Variants in ZNF512 observed in about 807,000 individuals in gnomAD.
ZNF512 encodes the protein zinc finger protein 512.
Under a neutral mutation model 77.5 loss-of-function variants are expected in ZNF512, and 25 were observed. The observed-to-expected ratio is 0.32, with a 90% confidence interval of 0.23 to 0.45. The LOEUF is 0.45. Among genes scored for constraint, ZNF512 ranks in the 20% least tolerant of loss-of-function variants. The pLI, the probability that ZNF512 is intolerant of heterozygous loss-of-function variation, is 1.00. For missense variants in ZNF512, 483 were observed against 692.6 expected (o/e 0.70, Z 3.40); for synonymous variants, 246 against 239.9 (o/e 1.03, Z -0.24).
Position 27,598,213 on chromosome 2 carries a change from AGAT to A in ZNF512, c.239_241del (p.Met80del). On this transcript the variant is annotated inframe_deletion, in exon 3 of 14. Coordinates refer to ENST00000355467, the MANE Select transcript of ZNF512 (RefSeq NM_032434.4). ...TTCCGAAAATCTACCTACTGGATGA[AGAT>A]GAGAAGAATCAAGCCAGCTGCTACT... 6.2e-7 allele frequency: 1 copy of A among 1,614,022 alleles called. No homozygotes were observed. The highest frequency in any genetic ancestry group is 8.5e-7 in the Non-Finnish European group (1 of 1,179,974).
At chr2:27,609,499 G>A (rs1419173888) in intron 10 of ZNF512, among the ~76,000 whole-genome samples, 1 of 152,168 alleles carries the variant, frequency 6.6e-6, no homozygotes, top group South Asian at 2.1e-4. Context: ...GGAGGCTGAG[G>A]TGGGTGAAAC....
chr2:27,617,931 CTG>C (rs1375622933), intron 13 of ZNF512, among the ~76,000 whole-genome samples: 1 of 146,202 alleles, frequency 6.8e-6, no homozygotes, highest in African/African-American at 2.5e-5. Context: ...ATCACTGTGA[CTG>C]TAAGCATCCT....
intron 9 of ZNF512, among the ~76,000 whole-genome samples, chr2:27,603,583 T>A (rs1240111845): frequency 1.1e-5 from 1 of 92,486 alleles, no homozygotes; most frequent in Non-Finnish European, 2.0e-5. Flanking sequence ...AGTGTGTGTG[T>A]GTGTATATTT....
intron 4 of ZNF512, 95 bp downstream of exon 4, chr2:27,599,773 G>C: frequency 1.6e-6 from 2 of 1,259,980 alleles, no homozygotes; most frequent in Non-Finnish European, 2.3e-6. Context: ...GAGCCCTTCA[G>C]TGACCTCTGA....
intron 2 of ZNF512, among the ~76,000 whole-genome samples, chr2:27,587,918 G>GTATTTTCCCCTTTAAGTCTTCTTA (rs1225931453): frequency 5.3e-5 from 8 of 151,986 alleles, no homozygotes; most frequent in Admixed American, 1.3e-4. Flanking sequence ...AACCTCAGGT[G>GTATTTTCCCCTTTAAGTCTTCTTA]ATCTGCCCAC....
chr2:27,592,739 C>T (rs1289994839), intron 2 of ZNF512, among the ~76,000 whole-genome samples: 1 of 122,966 alleles, frequency 8.1e-6, no homozygotes, highest in Non-Finnish European at 1.6e-5. Context: ...GGCTGGAGTG[C>T]AAATGGCGCG....
At chr2:27,611,701 T>A (rs1672672266) in intron 10 of ZNF512, among the ~76,000 whole-genome samples, 1 of 151,442 alleles carries the variant, frequency 6.6e-6, no homozygotes, top group Non-Finnish European at 1.5e-5. Flanking sequence ...AGTAGCATTT[T>A]TTTTTTTTTT....
intron 10 of ZNF512, among the ~76,000 whole-genome samples, chr2:27,611,744 C>T (rs1297585050): frequency 1.3e-5 from 2 of 150,084 alleles, no homozygotes; most frequent in Non-Finnish European, 2.9e-5. Context: ...GTCACCCAGG[C>T]TGGAGTGCAT....
Position 27,583,091 on chromosome 2 carries a change from T to C in ZNF512, c.-22T>C. 6.2e-7 allele frequency: 1 copy of C among 1,613,878 alleles called. No homozygotes were observed. The highest frequency in any genetic ancestry group is 8.5e-7 in the Non-Finnish European group (1 of 1,179,958). ...TCTGGCCGGAGCCCTTGGGTGAAATTGTTAGGCGTGGAGAGGGAGTGATGT... is the reference window on the plus strand; with the variant it reads ...TCTGGCCGGAGCCCTTGGGTGAAATCGTTAGGCGTGGAGAGGGAGTGATGT... On this transcript the variant is annotated 5_prime_UTR_variant, in exon 1 of 14. Coordinates refer to ENST00000355467, the MANE Select transcript of ZNF512 (RefSeq NM_032434.4).
chr2:27,608,816 T>C (rs1424442662), intron 10 of ZNF512, among the ~76,000 whole-genome samples: 1 of 151,818 alleles, frequency 6.6e-6, no homozygotes, highest in Non-Finnish European at 1.5e-5. Flanking sequence ...TGTTATGTCT[T>C]ATAAGAAAAT....
intron 1 of ZNF512, 23 bp from the exon 2 acceptor site, chr2:27,583,635 C>G: frequency 6.2e-7 from 1 of 1,613,770 alleles, no homozygotes; most frequent in Non-Finnish European, 8.5e-7. Flanking sequence ...CTAGCACTCA[C>G]TCGTGTGCTT....
At chr2:27,596,231 C>T (rs1671863834) in intron 2 of ZNF512, among the ~76,000 whole-genome samples, 1 of 152,192 alleles carries the variant, frequency 6.6e-6, no homozygotes, top group Non-Finnish European at 1.5e-5. Context: ...TATTTCAGTT[C>T]TCCAAGCTTT....
At chr2:27,590,236 A>G (rs932965288) in intron 2 of ZNF512, among the ~76,000 whole-genome samples, 1 of 152,160 alleles carries the variant, frequency 6.6e-6, no homozygotes, top group African/African-American at 2.4e-5. Context: ...TTGAGGCTCT[A>G]TTATTAGGCA....
At chr2:27,618,639 A>C (rs1052063874) in intron 13 of ZNF512, among the ~76,000 whole-genome samples, 3 of 152,220 alleles carry the variant, frequency 2.0e-5, no homozygotes, top group African/African-American at 7.2e-5. Flanking sequence ...AGAAATTAAC[A>C]GTGGTAAATT....
At chr2:27,601,332 A>T in intron 6 of ZNF512, 24 bp from the exon 7 acceptor site, 1 of 1,578,574 alleles carries the variant, frequency 6.3e-7, no homozygotes, top group South Asian at 1.1e-5. Flanking sequence ...ACAACCTAGC[A>T]CTGAGCAGTA....
At chr2:27,594,263 G>A (rs1202131469) in intron 2 of ZNF512, among the ~76,000 whole-genome samples, 1 of 149,360 alleles carries the variant, frequency 6.7e-6, no homozygotes, top group Non-Finnish European at 1.5e-5. Flanking sequence ...ACGGGGTGGT[G>A]GCCGGGCAGA....
At chr2:27,602,083 C>T (rs944036859) in intron 7 of ZNF512, among the ~76,000 whole-genome samples, 2 of 152,234 alleles carry the variant, frequency 1.3e-5, no homozygotes, top group Admixed American at 6.5e-5. Flanking sequence ...TGCGCCCGGC[C>T]TGGATGTCTT....
chr2:27,583,861 T>C (rs1339408398), intron 2 of ZNF512, 145 bp downstream of exon 2: 1 of 893,868 alleles, frequency 1.1e-6, no homozygotes, highest in Admixed American at 3.1e-5. Context: ...AGTTGAAATG[T>C]GGCTAGTGCA....
In ZNF512 at chr2:27,598,244, TC is replaced by T; in HGVS notation, c.268del (p.His90MetfsTer72). ...MRRIKPAATS[H>X]VEGSGGVSAK... ...GAAGAATCAAGCCAGCTGCTACTTCTCATGTCGAAGGTATCAATATCAGTGT... is the reference window on the plus strand; with the variant it reads ...GAAGAATCAAGCCAGCTGCTACTTCTATGTCGAAGGTATCAATATCAGTGT... On this transcript the variant is annotated frameshift_variant, in exon 3 of 14. Transcript: ENST00000355467. LOFTEE classifies it high-confidence loss of function. 6.2e-7 allele frequency: 1 copy of T among 1,612,450 alleles called. No individual in the cohort carries two copies. The highest frequency in any genetic ancestry group is 8.5e-7 in the Non-Finnish European group (1 of 1,179,222).
Sources: allele counts gnomAD v4.1 joint callset (sites outside exome capture counted in the v4.1 genomes callset), GRCh38; gene constraint gnomAD v4.1.1; transcripts MANE v1.5; gene names NCBI Gene and HGNC (gene_info 2026-07-23, HGNC 2026-07-21).